ST6GAL2: variants seen among roughly 807,000 people sequenced by gnomAD.
ST6GAL2 encodes beta-galactoside alpha-2,6-sialyltransferase 2.
Under a neutral mutation model 37.5 loss-of-function variants are expected in ST6GAL2, and 24 were observed. The observed-to-expected ratio is 0.64, with a 90% confidence interval of 0.46 to 0.90. ST6GAL2 has a LOEUF of 0.90. ST6GAL2 is among the 40% of genes least tolerant of loss of function. The pLI, the probability that ST6GAL2 is intolerant of heterozygous loss-of-function variation, is 0.00. For missense variants in ST6GAL2, 715 were observed against 712.7 expected, an observed-to-expected ratio of 1.00 and a Z score of -0.04; for synonymous variants, 306 against 295.1, an observed-to-expected ratio of 1.04 and a Z score of -0.38.
intron 2 of ST6GAL2, among the ~76,000 whole-genome samples, chr2:106,836,229 G>T (rs1232472564): frequency 6.6e-6 from 1 of 152,070 alleles, no homozygotes; most frequent in African/African-American, 2.4e-5. Flanking sequence ...TTAGAAAGTT[G>T]GTTTCTCACA....
At chr2:106,812,432 T>C (rs1647660208) in intron 5 of ST6GAL2, among the ~76,000 whole-genome samples, 1 of 152,232 alleles carries the variant, frequency 6.6e-6, no homozygotes, top group Admixed American at 6.5e-5. Flanking sequence ...AAACTGGTCA[T>C]GTCAGCAGTC....
intron 5 of ST6GAL2, among the ~76,000 whole-genome samples, chr2:106,811,557 T>C (rs1675611412): frequency 6.6e-6 from 1 of 152,088 alleles, no homozygotes; most frequent in African/African-American, 2.4e-5. Context: ...AAACTAAAGA[T>C]TTCACCTTTA....
chr2:106,811,503 G>C (rs189728589), intron 5 of ST6GAL2, among the ~76,000 whole-genome samples: 119 of 152,166 alleles, frequency 7.8e-4, no homozygotes, highest in African/African-American at 2.8e-3. Flanking sequence ...CTAATCATTG[G>C]CAATTTAGAG....
In ST6GAL2 at chr2:106,842,754, A is replaced by C. The variant is rs72949051; in HGVS notation, c.943+281T>G. ...GGGCGGCGCTTTCCTTCCACTGCCT[A>C]CTGGCATCAGCTATGGGGAGGACCC... On this transcript the variant is annotated intron_variant, in intron 2 of 5. Coordinates refer to ENST00000409382, the MANE Select transcript of ST6GAL2 (RefSeq NM_001142351.2). Among the ~76,000 whole-genome samples the C allele has an allele frequency of 4.3e-3, 650 of 152,224 alleles. 2 individuals carry two copies. Among genetic ancestry groups the C allele is most frequent in the African/African-American group, 0.015 (626 of 41,556 alleles).
At chr2:106,878,730 T>G (rs1380853050) in intron 1 of ST6GAL2, among the ~76,000 whole-genome samples, 1 of 152,174 alleles carries the variant, frequency 6.6e-6, no homozygotes, top group Admixed American at 6.5e-5. Context: ...GCAAAGATAC[T>G]ATGCCATTTT....
intron 2 of ST6GAL2, chr2:106,834,753 C>T (rs1676563897): frequency 2.0e-5 from 3 of 152,356 alleles, no homozygotes; most frequent in African/African-American, 7.2e-5. Context: ...TCTGCATTAG[C>T]AGCAATAGCC....
At chr2:106,847,608 G>A (rs1170923240) in intron 1 of ST6GAL2, among the ~76,000 whole-genome samples, 1 of 152,016 alleles carries the variant, frequency 6.6e-6, no homozygotes, top group East Asian at 1.9e-4. Flanking sequence ...GTGGTTCTGG[G>A]CAAGTTACTC....
In ST6GAL2 at chr2:106,872,902, T is replaced by A. The variant is rs545029890; in HGVS notation, c.-58+13191A>T. Among the ~76,000 whole-genome samples the A allele has an allele frequency of 2.6e-3, 389 of 152,326 alleles. 2 individuals are homozygous for A. The highest frequency in any genetic ancestry group is 4.0e-3 in the Non-Finnish European group (275 of 68,034). On this transcript the variant is annotated intron_variant, in intron 1 of 5. Coordinates refer to ENST00000409382, the MANE Select transcript of ST6GAL2 (RefSeq NM_001142351.2). Reference sequence around the variant, plus strand: ...ACTTCAATCGCTGGTAATTTTTTTTTATTTCGATTCTAGTACAGGTTCAGA... The same window carrying A: ...ACTTCAATCGCTGGTAATTTTTTTTAATTTCGATTCTAGTACAGGTTCAGA...
chr2:106,821,761 T>A (rs532334776), intron 5 of ST6GAL2, among the ~76,000 whole-genome samples: 1 of 152,184 alleles, frequency 6.6e-6, no homozygotes, highest in Non-Finnish European at 1.5e-5. Flanking sequence ...TAAAAAATCC[T>A]CAATAAAATA....
chr2:106,838,134 GA>G (rs1676723869), intron 2 of ST6GAL2, among the ~76,000 whole-genome samples: 1 of 152,002 alleles, frequency 6.6e-6, no homozygotes, highest in East Asian at 1.9e-4. Flanking sequence ...TTCATATTTA[GA>G]AAAAAAGGAA....
chr2:106,875,993 T>A lies in ST6GAL2; in HGVS notation c.-58+10100A>T, dbSNP rs192774548. ...TTTCTTTTTTTGTAAATAGATGAGG[T>A]CTCGTTCTGTCCCCAGGCTGAAATG... On this transcript the variant is annotated intron_variant, in intron 1 of 5. Transcript: ENST00000409382. 7.9e-5 allele frequency among the ~76,000 whole-genome samples: 12 copies of A among 152,230 alleles called. No homozygotes were observed. In the East Asian group the frequency reaches 2.3e-3, roughly 29 times the overall value.
At chr2:106,816,907 G>T (rs1375001) in intron 5 of ST6GAL2, among the ~76,000 whole-genome samples, 43,887 of 152,082 alleles carry the variant, frequency 0.29, 8,074 homozygotes, top group Non-Finnish European at 0.42. Flanking sequence ...GTGCACTTGT[G>T]GGGAGGGAAA....
At chr2:106,837,388 G>A (rs1198835051) in intron 2 of ST6GAL2, among the ~76,000 whole-genome samples, 5 of 152,168 alleles carry the variant, frequency 3.3e-5, no homozygotes, top group African/African-American at 4.8e-5. Flanking sequence ...ATCATTCATT[G>A]TGTTTGTACC....
rs202006816 is a variant in ST6GAL2 at position 106,830,170 on chromosome 2, G to A, written c.1214C>T (p.Pro405Leu). 6.2e-7 allele frequency: 1 copy of A among 1,613,864 alleles called. No individual in the cohort carries two copies. Among genetic ancestry groups the A allele is most frequent in the Non-Finnish European group, 8.5e-7 (1 of 1,179,946 alleles). ...IQHRQRNPNQ[P>L]FYILHPKFIW... is the part of the protein sequence containing the mutation. ...AAATTTAGGATGAAGAATGTAAAAT[G>A]GCTGATTTGGGTTTCTCTGACGATG... Residue 405 changes from proline (P) to leucine (L), a missense_variant, in exon 5 of 6, where the codon CCA becomes CTA. Transcript: ENST00000409382.
At chr2:106,850,552 T>C (rs994247541) in intron 1 of ST6GAL2, among the ~76,000 whole-genome samples, 15 of 152,204 alleles carry the variant, frequency 9.9e-5, no homozygotes, top group African/African-American at 3.4e-4. Flanking sequence ...CTGCTGCCAA[T>C]TGAGAGAACA....
chr2:106,838,059 G>A (rs919949897), intron 2 of ST6GAL2, among the ~76,000 whole-genome samples: 3 of 152,176 alleles, frequency 2.0e-5, no homozygotes, highest in Non-Finnish European at 4.4e-5. Context: ...ACACAGACAC[G>A]TTCTGTAAAC....
chr2:106,884,350 A>T (rs1678872679), intron 1 of ST6GAL2, among the ~76,000 whole-genome samples: 1 of 152,156 alleles, frequency 6.6e-6, no homozygotes, highest in Admixed American at 6.5e-5. Context: ...CAAATGTTAA[A>T]TTGTCTCAAC....
In ST6GAL2 at chr2:106,843,501, C is replaced by T. The variant is rs753765685; in HGVS notation, c.477G>A (p.Arg159=). The T allele has an allele frequency of 1.2e-6, 2 of 1,614,086 alleles. No homozygotes were observed. Among genetic ancestry groups the T allele is most frequent in the East Asian group, 4.5e-5 (2 of 44,868 alleles). Residue 159 remains arginine (R), a synonymous_variant, in exon 2 of 6, where the codon CGG becomes CGA. Transcript: ENST00000409382. ...CCTGTGCAGCCGGAAAAGCCCCCTC[C>T]CGTGGGCCTGGCTCCCCGGGGGAAG... ...GFPSPGEPGP[R]EGAFPAAQVQ...
chr2:106,876,460 C>G (rs987454903), intron 1 of ST6GAL2, among the ~76,000 whole-genome samples: 5 of 152,088 alleles, frequency 3.3e-5, no homozygotes, highest in Admixed American at 6.6e-5. Context: ...ATACTTCATT[C>G]CTGGTTAACT....
Sources: gnomAD v4.1 joint callset for allele counts (sites outside exome capture counted in the v4.1 genomes callset) on GRCh38, gnomAD v4.1.1 for gene constraint, MANE v1.5 for transcripts, NCBI Gene and HGNC (gene_info 2026-07-23, HGNC 2026-07-21) for gene names.